The following TRIM37 variants were observed in gnomAD, a reference collection of about 807,000 sequenced individuals.
The protein encoded by TRIM37 is tripartite motif containing 37, also known as E3 ubiquitin-protein ligase TRIM37.
A neutral mutation model predicts 129.8 loss-of-function variants in TRIM37; 80 were observed. That is an observed-to-expected ratio of 0.62 (90% CI 0.51 to 0.74). TRIM37 has a LOEUF of 0.74. Ranked by LOEUF, TRIM37 falls within the 30% of genes least tolerant of loss-of-function variation. The pLI is 0.00. For synonymous variants in TRIM37, 389 were observed against 387.1 expected (o/e 1.00, Z -0.06); for missense variants, 1,054 against 1,176.5 (o/e 0.90, Z 1.52).
In TRIM37 at chr17:59,056,910, T is replaced by A. The variant is rs2040988134; in HGVS notation, c.1164A>T (p.Gly388=). 6.2e-7 allele frequency: 1 copy of A among 1,613,702 alleles called. No individual in the cohort carries two copies. The highest frequency in any genetic ancestry group is 1.1e-5 in the South Asian group (1 of 91,056). Residue 388 remains glycine, a synonymous_variant, in exon 13 of 24, where the codon GGA becomes GGT. Transcript: ENST00000262294. ...CTGTATCATTTTGTGGATTCAAGTA[T>A]CCTTCATTTGCGAGTAAGTCCAAAC... The part of the protein sequence containing the change: ...FFRLDLLANE[G]YLNPQNDTVI...
intron 24 of TRIM37, among the ~76,000 whole-genome samples, chr17:58,990,011 C>A (rs1481011025): frequency 6.6e-6 from 1 of 150,756 alleles, no homozygotes; most frequent in Non-Finnish European, 1.5e-5. Context: ...TGCAGTGAGA[C>A]CCCCTCTGAA....
At chr17:59,073,327 T>C (rs575411120) in intron 8 of TRIM37, among the ~76,000 whole-genome samples, 2 of 152,164 alleles carry the variant, frequency 1.3e-5, no homozygotes, top group South Asian at 2.1e-4. Context: ...AGGGTCTCGC[T>C]CTGTCGCCCA....
At chr17:59,074,772 C>A (rs1185780341) in intron 8 of TRIM37, among the ~76,000 whole-genome samples, 1 of 152,150 alleles carries the variant, frequency 6.6e-6, no homozygotes, top group East Asian at 1.9e-4. Flanking sequence ...AAATTCCAGA[C>A]AAGTGAATGT....
the TRIM37 span, among the ~76,000 whole-genome samples, chr17:58,967,517 T>TAGAG: frequency 6.5e-3 from 978 of 149,436 alleles, 9 homozygotes; most frequent in African/African-American, 0.023. Context: ...TATATATATA[T>TAGAG]ATAGAGAGAG....
At chr17:59,059,371 T>C (rs1355145241) in intron 12 of TRIM37, 2 of 151,872 alleles carry the variant, frequency 1.3e-5, no homozygotes, top group African/African-American at 4.8e-5. Flanking sequence ...AGACTCAAAA[T>C]ACATTAAGTA....
At chr17:59,095,353 C>T (rs1316170260) in intron 2 of TRIM37, among the ~76,000 whole-genome samples, 2 of 152,032 alleles carry the variant, frequency 1.3e-5, no homozygotes, top group Non-Finnish European at 2.9e-5. Flanking sequence ...AAAGATAAGG[C>T]CAACAAAAGG....
intron 19 of TRIM37, among the ~76,000 whole-genome samples, chr17:59,024,036 A>G (rs2036931613): frequency 6.6e-6 from 1 of 151,926 alleles, no homozygotes; most frequent in African/African-American, 2.4e-5. Flanking sequence ...GAATATGATG[A>G]AACCCCGTCT....
At chr17:59,026,272 G>GA (rs1404500413) in intron 19 of TRIM37, among the ~76,000 whole-genome samples, 2 of 152,166 alleles carry the variant, frequency 1.3e-5, no homozygotes, top group African/African-American at 4.8e-5. Flanking sequence ...CTTAATGGAT[G>GA]AAAGACTAAA....
chr17:58,987,320 G>A (rs570578491), intron 24 of TRIM37, among the ~76,000 whole-genome samples: 17 of 152,284 alleles, frequency 1.1e-4, no homozygotes, highest in African/African-American at 3.9e-4. Context: ...GAGTTGCTAC[G>A]GGTTCACTAG....
chr17:58,990,456 A>C (rs2032263728), intron 24 of TRIM37, among the ~76,000 whole-genome samples: 1 of 151,154 alleles, frequency 6.6e-6, no homozygotes, highest in Non-Finnish European at 1.5e-5. Flanking sequence ...GAGCCACTGC[A>C]CTCCAGCCCA....
intron 6 of TRIM37, among the ~76,000 whole-genome samples, chr17:59,080,718 G>A (rs1457607979): frequency 1.3e-5 from 2 of 152,154 alleles, no homozygotes; most frequent in African/African-American, 4.8e-5. Context: ...TTGAGCCCGG[G>A]AGGTGGAGGT....
the TRIM37 span, among the ~76,000 whole-genome samples, chr17:58,970,471 G>C: frequency 6.6e-6 from 1 of 152,216 alleles, no homozygotes. Flanking sequence ...TACAGAAGTA[G>C]ATACAGACAA....
intron 18 of TRIM37, among the ~76,000 whole-genome samples, chr17:59,029,906 C>A (rs752053446): frequency 4.6e-5 from 7 of 152,208 alleles, no homozygotes; most frequent in Non-Finnish European, 8.8e-5. Context: ...AAGGTATTTT[C>A]ATTTGGCTTC....
chr17:59,013,092 C>A, intron 21 of TRIM37, among the ~76,000 whole-genome samples: 1 of 151,912 alleles, frequency 6.6e-6, no homozygotes, highest in Non-Finnish European at 1.5e-5. Flanking sequence ...TTATAAATAC[C>A]AATAGAAGTT....
intron 16 of TRIM37, among the ~76,000 whole-genome samples, chr17:59,042,115 G>A (rs532275364): frequency 1.3e-5 from 2 of 152,138 alleles, no homozygotes; most frequent in East Asian, 3.9e-4. Flanking sequence ...GGTGGCTCAT[G>A]CCTGTAATCC....
At chr17:59,000,958 G>C (rs1201382727) in intron 23 of TRIM37, among the ~76,000 whole-genome samples, 1 of 152,054 alleles carries the variant, frequency 6.6e-6, no homozygotes, top group African/African-American at 2.4e-5. Flanking sequence ...ACTTTGGGAG[G>C]CCAAGGCAGG....
chr17:59,050,877 G>C (rs1269352570), intron 14 of TRIM37, among the ~76,000 whole-genome samples: 1 of 152,088 alleles, frequency 6.6e-6, no homozygotes. Context: ...CTACTCAGGA[G>C]GCTGAGGCAG....
chr17:59,081,961 AAAAAAT>A (rs1289415613), intron 5 of TRIM37, among the ~76,000 whole-genome samples: 6 of 110,404 alleles, frequency 5.4e-5, no homozygotes, highest in African/African-American at 1.8e-4. Context: ...AATAAAAAAA[AAAAAAT>A]AATAATAATA....
chr17:59,100,441 A>G (rs2045352007), intron 2 of TRIM37, among the ~76,000 whole-genome samples: 1 of 152,238 alleles, frequency 6.6e-6, no homozygotes, highest in Admixed American at 6.5e-5. Context: ...TGATACATAC[A>G]GTATTTTTGC....
Sources: allele counts gnomAD v4.1 joint callset (sites outside exome capture counted in the v4.1 genomes callset), GRCh38; gene constraint gnomAD v4.1.1; transcripts MANE v1.5; gene names NCBI Gene and HGNC (gene_info 2026-07-23, HGNC 2026-07-21).